The following NSG1 variants were observed in gnomAD, a reference collection of about 807,000 sequenced individuals.
NSG1 encodes neuronal vesicle trafficking-associated protein 1.
NSG1 carries 9 observed loss-of-function variants against 19.3 expected under a neutral mutation model. That is an observed-to-expected ratio of 0.47 (90% CI 0.28 to 0.81). NSG1 has a LOEUF of 0.81. Among genes scored for constraint, NSG1 ranks in the 40% least tolerant of loss-of-function variants. NSG1 has a pLI of 0.11. For synonymous variants in NSG1, 104 were observed against 107.0 expected, an observed-to-expected ratio of 0.97 and a Z score of 0.17; for missense variants, 236 against 242.4, an observed-to-expected ratio of 0.97 and a Z score of 0.18.
chr4:4,404,540 A>G (rs924934503), intron 3 of NSG1, among the ~76,000 whole-genome samples: 1 of 152,192 alleles, frequency 6.6e-6, no homozygotes, highest in African/African-American at 2.4e-5. Context: ...TTCGTCCATC[A>G]AGTATTTTCA....
At chr4:4,400,194 C>G (rs1324936674) in intron 3 of NSG1, among the ~76,000 whole-genome samples, 5 of 152,220 alleles carry the variant, frequency 3.3e-5, no homozygotes, top group African/African-American at 7.2e-5. Context: ...GTGGTCCTAA[C>G]AGCATTGTTG....
chr4:4,417,753 GA>G lies in NSG1; in HGVS notation c.*319del, dbSNP rs1204941146. The G allele has an allele frequency of 2.7e-6, 1 of 371,588 alleles. No individual in the cohort carries two copies. Among genetic ancestry groups the G allele is most frequent in the Non-Finnish European group, 5.0e-6 (1 of 198,864 alleles). 23.0% of individuals were successfully genotyped at this position (371,588 alleles called of 1,614,324 possible). On this transcript the variant is annotated 3_prime_UTR_variant, in exon 5 of 5. Transcript: ENST00000621129. The stretch of plus-strand genomic sequence containing the variant: ...GGATATGCGAAGGGTTTGGATCTCA[GA>G]TAAATGCATTTTGTGGAATTGATTT...
At chr4:4,414,963 A>G (rs1043209764) in intron 4 of NSG1, among the ~76,000 whole-genome samples, 2 of 150,186 alleles carry the variant, frequency 1.3e-5, no homozygotes, top group Middle Eastern at 3.5e-3. Flanking sequence ...AAAAAAAACA[A>G]CAACAACATG....
intron 3 of NSG1, among the ~76,000 whole-genome samples, chr4:4,407,787 G>A (rs1476919765): frequency 6.6e-6 from 1 of 152,170 alleles, no homozygotes; most frequent in Non-Finnish European, 1.5e-5. Context: ...TAGGGAAGGA[G>A]TCTGTGGCTC....
At chr4:4,389,051 C>T (rs1722874059) in intron 2 of NSG1, among the ~76,000 whole-genome samples, 1 of 152,240 alleles carries the variant, frequency 6.6e-6, no homozygotes, top group Admixed American at 6.5e-5. Flanking sequence ...CCCCGAGGCC[C>T]CCACACCCCC....
intron 4 of NSG1, among the ~76,000 whole-genome samples, chr4:4,415,533 G>A (rs1038750487): frequency 6.6e-6 from 1 of 151,748 alleles, no homozygotes; most frequent in South Asian, 2.1e-4. Context: ...TTCTGCTTCC[G>A]TTGGGAAGCC....
chr4:4,416,230 T>C lies in NSG1; in HGVS notation c.358-1005T>C, dbSNP rs1037178873. ...GGTACGGTGGGCCTGGCTCCAAAGC[T>C]TCCCTTCTCCTGTAGCGCCGCCCTC... is the stretch of plus-strand genomic sequence containing the variant. On this transcript the variant is annotated intron_variant, in intron 4 of 4. Transcript: ENST00000621129. The C allele has an allele frequency of 2.6e-5, 18 of 701,786 alleles. No homozygotes were observed. In the African/African-American group the frequency reaches 2.8e-4, roughly 11 times the overall value. 43.5% of individuals were successfully genotyped at this position (701,786 alleles called of 1,614,324 possible).
intron 3 of NSG1, 90 bp from the exon 4 acceptor site, chr4:4,409,483 C>T (rs910577654): frequency 7.5e-5 from 70 of 932,326 alleles, no homozygotes; most frequent in Middle Eastern, 2.2e-4. Context: ...TCTGCACATG[C>T]TGTGTGGGGG....
chr4:4,415,131 C>G (rs1031016113), intron 4 of NSG1, among the ~76,000 whole-genome samples: 1 of 152,014 alleles, frequency 6.6e-6, no homozygotes, highest in Admixed American at 6.6e-5. Flanking sequence ...TGGTCTCGAA[C>G]TCTTGGGTTT....
chr4:4,407,577 C>T (rs191571818), intron 3 of NSG1, among the ~76,000 whole-genome samples: 125 of 152,318 alleles, frequency 8.2e-4, no homozygotes, highest in Non-Finnish European at 8.1e-4. Context: ...CGTCCCTCAG[C>T]TCTGAGCCAC....
chr4:4,410,503 G>T (rs1724116972), intron 4 of NSG1, among the ~76,000 whole-genome samples: 1 of 152,188 alleles, frequency 6.6e-6, no homozygotes, highest in African/African-American at 2.4e-5. Flanking sequence ...GGGTATGGCC[G>T]ACTGCTCCTA....
At position 4,387,738 on chromosome 4, in the gene NSG1, C is replaced by T. The variant is rs778529496; in HGVS notation, c.109C>T (p.Gln37Ter). The change falls in exon 2 of 5, where the codon CAG becomes TAG. Residue 37 changes from glutamine (Q) to a stop codon, truncating the protein, a stop_gained. Transcript: ENST00000621129. LOFTEE classifies it high-confidence loss of function. ...LMTPLDVNQLQFPPPDKVVVK... is the reference protein window; with the variant it reads ...LMTPLDVNQL ...GACGCCCCTCGATGTCAATCAGCTG[C>T]AGTTCCCGCCCCCGGATAAGGTAAG... 1.2e-6 allele frequency: 2 copies of T among 1,611,790 alleles called. No individual in the cohort carries two copies. The highest frequency in any genetic ancestry group is 1.7e-5 in the Admixed American group (1 of 59,992).
rs118053297 is a variant in NSG1 at position 4,388,577 on chromosome 4, A to G, written c.129+819A>G. On this transcript the variant is annotated intron_variant, in intron 2 of 4. Transcript: ENST00000621129. The stretch of plus-strand genomic sequence containing the variant: ...TCACATCTAAGACCATAGACACAGC[A>G]TCTACTCTCAGCATCTTGCTGCCGC... Among the ~76,000 whole-genome samples, 313 of 152,374 alleles carry G rather than the reference A, an allele frequency of 2.1e-3. 3 individuals are homozygous for G. The highest frequency in any genetic ancestry group is 9.7e-3 in the Admixed American group (149 of 15,308).
intron 3 of NSG1, among the ~76,000 whole-genome samples, chr4:4,396,806 C>G (rs11735006): frequency 6.6e-6 from 1 of 151,590 alleles, no homozygotes; most frequent in African/African-American, 2.4e-5. Flanking sequence ...AGATGCATTT[C>G]TTAAATATTT....
At chr4:4,410,154 G>A (rs1724095759) in intron 4 of NSG1, among the ~76,000 whole-genome samples, 1 of 152,150 alleles carries the variant, frequency 6.6e-6, no homozygotes, top group Non-Finnish European at 1.5e-5. Flanking sequence ...GAGCAGGGCT[G>A]GGGGGCACAC....
intron 4 of NSG1, among the ~76,000 whole-genome samples, chr4:4,416,995 T>C (rs1248577330): frequency 6.6e-6 from 1 of 152,190 alleles, no homozygotes; most frequent in African/African-American, 2.4e-5. Flanking sequence ...ACTGGCACCC[T>C]TGGAGCCCAA....
chr4:4,400,825 CT>C (rs1723512249), intron 3 of NSG1, among the ~76,000 whole-genome samples: 1 of 152,186 alleles, frequency 6.6e-6, no homozygotes, highest in African/African-American at 2.4e-5. Context: ...AGTATCAGAT[CT>C]TGTTCAGTGT....
At chr4:4,388,079 C>T (rs933511671) in intron 2 of NSG1, among the ~76,000 whole-genome samples, 9 of 152,240 alleles carry the variant, frequency 5.9e-5, no homozygotes, top group Admixed American at 5.9e-4. Flanking sequence ...CTCCCTTGCC[C>T]CGTGGCCCCA....
rs776424672 is a variant in NSG1 at position 4,387,706 on chromosome 4, C to T, written c.77C>T (p.Pro26Leu). 2 of 1,613,500 alleles carry T rather than the reference C, an allele frequency of 1.2e-6. No homozygotes were observed. Among genetic ancestry groups the T allele is most frequent in the Admixed American group, 1.7e-5 (1 of 60,024 alleles). ...PLLEDGFDTI[P>L]LMTPLDVNQL... is the part of the protein sequence containing the mutation. Reference sequence around the variant, plus strand: ...CTGGAGGATGGCTTCGACACCATTCCCCTGATGACGCCCCTCGATGTCAAT... The same window carrying T: ...CTGGAGGATGGCTTCGACACCATTCTCCTGATGACGCCCCTCGATGTCAAT... Residue 26 changes from proline to leucine, a missense_variant, in exon 2 of 5, where the codon CCC becomes CTC. By Grantham distance (98) the Pro-to-Leu change is moderately conservative. Coordinates refer to ENST00000621129, the MANE Select transcript of NSG1 (RefSeq NM_014392.5).
Sources: allele counts gnomAD v4.1 joint callset (sites outside exome capture counted in the v4.1 genomes callset), GRCh38; gene constraint gnomAD v4.1.1; transcripts MANE v1.5; gene names NCBI Gene and HGNC (gene_info 2026-07-23, HGNC 2026-07-21).